The following TCF20 variants were observed in gnomAD, a reference collection of about 807,000 sequenced individuals.
The protein encoded by TCF20 is SPRE-binding protein.
A neutral mutation model predicts 148.6 loss-of-function variants in TCF20; 3 were observed. The ratio of observed to expected loss-of-function variants is 0.02; its 90% CI spans 0.01 to 0.05. The LOEUF is 0.05. Among genes scored for constraint, TCF20 ranks in the 10% least tolerant of loss-of-function variants. The probability of loss-of-function intolerance (pLI) is 1.00; values close to 1 mark genes in which losing one functional copy is unlikely to be tolerated. For missense variants in TCF20, 2,350 were observed against 2,429.3 expected (o/e 0.97, Z 0.69); for synonymous variants, 1,049 against 909.5 (o/e 1.15, Z -2.76).
Position 42,214,135 on chromosome 22 carries a change from G to C in TCF20, c.1171C>G (p.Gln391Glu). The stretch of plus-strand genomic sequence containing the variant: ...CCACACTGGAGATTCTCCCCAGTCT[G>C]CATGAGAGGAGATGGGGTAGAACTA... ...SCSSTPSPLM[Q>E]TGENLQCGQG... Residue 391 changes from glutamine (Q) to glutamate (E), a missense_variant, in exon 2 of 6, where the codon CAG becomes GAG. Physicochemically the swap from Gln to Glu is conservative, Grantham distance 29 (BLOSUM62 2). Coordinates refer to ENST00000677622, the MANE Select transcript of TCF20 (RefSeq NM_001378418.1). 1 of 1,614,202 alleles carries C rather than the reference G, an allele frequency of 6.2e-7. No individual in the cohort carries two copies. The highest frequency in any genetic ancestry group is 8.5e-7 in the Non-Finnish European group (1 of 1,180,038).
At chr22:42,162,039 G>A (rs1013279594) in intron 5 of TCF20, among the ~76,000 whole-genome samples, 1 of 130,546 alleles carries the variant, frequency 7.7e-6, no homozygotes, top group Non-Finnish European at 1.5e-5. Context: ...GGAGTGTAGT[G>A]GTGTGCTCTT....
chr22:42,189,430 T>C (rs929583183), intron 2 of TCF20, among the ~76,000 whole-genome samples: 4 of 152,214 alleles, frequency 2.6e-5, no homozygotes, highest in Admixed American at 1.3e-4. Flanking sequence ...AGAGAATGTT[T>C]TGGACTGAGA....
intron 1 of TCF20, among the ~76,000 whole-genome samples, chr22:42,220,003 A>T (rs2147242915): frequency 6.6e-6 from 1 of 152,312 alleles, no homozygotes; most frequent in South Asian, 2.1e-4. Flanking sequence ...TCTGTGCCTA[A>T]ACATTCCAGA....
Position 42,214,595 on chromosome 22 carries a change from A to G in TCF20, c.711T>C (p.Ser237=), listed in dbSNP as rs1349421946. 1.2e-6 allele frequency: 2 copies of G among 1,613,996 alleles called. No individual in the cohort carries two copies. The highest frequency in any genetic ancestry group is 1.3e-5 in the African/African-American group (1 of 74,914). The part of the protein sequence containing the change: ...RVGQFGQHYQ[S]SASSSSSSSF... ...AGGAGGAGGAGGAGGAGGAAGCAGA[A>G]GACTGATAGTGTTGGCCAAACTGAC... Residue 237 remains serine (S), a synonymous_variant, in exon 2 of 6, where the codon TCT becomes TCC. Transcript: ENST00000677622.
chr22:42,174,435 G>A (rs548580047), intron 3 of TCF20, among the ~76,000 whole-genome samples: 2 of 152,156 alleles, frequency 1.3e-5, no homozygotes, highest in Non-Finnish European at 2.9e-5. Flanking sequence ...AAGTGTGCTC[G>A]GGTGGGATGT....
chr22:42,309,016 T>A (rs1927484442), intron 1 of TCF20, among the ~76,000 whole-genome samples: 1 of 152,018 alleles, frequency 6.6e-6, no homozygotes, highest in African/African-American at 2.4e-5. Flanking sequence ...AACACGCCGG[T>A]GCCTGCCGCC....
At chr22:42,250,126 A>C (rs1296189413) in intron 1 of TCF20, among the ~76,000 whole-genome samples, 1 of 152,150 alleles carries the variant, frequency 6.6e-6, no homozygotes, top group Non-Finnish European at 1.5e-5. Flanking sequence ...CATAGCTAGA[A>C]GACTATGGTC....
chr22:42,228,916 T>C (rs563411934), intron 1 of TCF20, among the ~76,000 whole-genome samples: 2 of 152,286 alleles, frequency 1.3e-5, no homozygotes, highest in East Asian at 1.9e-4. Flanking sequence ...CCACGGCTCA[T>C]GAAGTATAAG....
chr22:42,235,344 C>CA (rs1923792161), intron 1 of TCF20, among the ~76,000 whole-genome samples: 1 of 152,106 alleles, frequency 6.6e-6, no homozygotes, highest in Admixed American at 6.6e-5. Flanking sequence ...CCTCCCTTCT[C>CA]AACTGGGGAC....
chr22:42,181,982 G>A (rs2147101096), intron 2 of TCF20, among the ~76,000 whole-genome samples: 1 of 152,338 alleles, frequency 6.6e-6, no homozygotes, highest in East Asian at 1.9e-4. Flanking sequence ...AGTGGGATCT[G>A]TGGCAGCCAC....
rs74223203 is a variant in TCF20 at position 42,220,147 on chromosome 22, G to A, written c.-36-4806C>T. Among the ~76,000 whole-genome samples, 298 of 152,134 alleles carry A rather than the reference G, an allele frequency of 2.0e-3. 3 individuals carry two copies. In the East Asian group the frequency reaches 0.048, roughly 25 times the overall value. Reference sequence around the variant, plus strand: ...TTTCTCTGTCCTTCTTCCTCCATATGTCCAACAACATCCCACTTCCCAATC... The same window carrying A: ...TTTCTCTGTCCTTCTTCCTCCATATATCCAACAACATCCCACTTCCCAATC... On this transcript the variant is annotated intron_variant, in intron 1 of 5. Coordinates refer to ENST00000677622, the MANE Select transcript of TCF20 (RefSeq NM_001378418.1).
intron 1 of TCF20, among the ~76,000 whole-genome samples, chr22:42,248,472 T>C (rs1569184263): frequency 6.6e-6 from 1 of 152,156 alleles, no homozygotes; most frequent in Non-Finnish European, 1.5e-5. Context: ...AAACGTGCAC[T>C]GTGCCTGGTA....
chr22:42,335,106 C>T (rs112141558), intron 1 of TCF20, among the ~76,000 whole-genome samples: 17 of 152,218 alleles, frequency 1.1e-4, no homozygotes, highest in African/African-American at 1.7e-4. Flanking sequence ...TTCCTGCTCC[C>T]GGGGCCCTGC....
chr22:42,222,431 G>C (rs899221800), intron 1 of TCF20, among the ~76,000 whole-genome samples: 1 of 152,032 alleles, frequency 6.6e-6, no homozygotes, highest in African/African-American at 2.4e-5. Context: ...AATAACACCT[G>C]AAAAGTTCTC....
At chr22:42,268,860 G>T (rs1170839260) in intron 1 of TCF20, among the ~76,000 whole-genome samples, 1 of 152,236 alleles carries the variant, frequency 6.6e-6, no homozygotes, top group Non-Finnish European at 1.5e-5. Flanking sequence ...CTCTGTTGAA[G>T]GCAGAGGCTG....
At position 42,210,429 on chromosome 22, in the gene TCF20, G is replaced by C. The variant is rs926207170; in HGVS notation, c.4877C>G (p.Ala1626Gly). Reference protein sequence around the residue: ...YATQPLDKTDAKNKSFYPYIH... With the variant: ...YATQPLDKTDGKNKSFYPYIH... ...GTAAGGGTAAAAAGACTTGTTCTTG[G>C]CATCAGTTTTATCCAGTGGCTGGGT... The change falls in exon 2 of 6, where the codon GCC becomes GGC. Residue 1626 changes from alanine to glycine, a missense_variant. Transcript: ENST00000677622. The surrounding 1 kb of genome is among the most constrained non-coding windows in gnomAD (Gnocchi z 4.7). 6.2e-7 allele frequency: 1 copy of C among 1,614,236 alleles called. No homozygotes were observed. Among genetic ancestry groups the C allele is most frequent in the Non-Finnish European group, 8.5e-7 (1 of 1,180,054 alleles).
intron 1 of TCF20, among the ~76,000 whole-genome samples, chr22:42,215,906 C>A (rs1249798610): frequency 6.6e-6 from 1 of 151,882 alleles, no homozygotes; most frequent in African/African-American, 2.4e-5. Flanking sequence ...CCCAATACAG[C>A]AAAAACATGT....
chr22:42,194,382 A>AC (rs1297176466), intron 2 of TCF20, among the ~76,000 whole-genome samples: 4 of 152,012 alleles, frequency 2.6e-5, no homozygotes, highest in Non-Finnish European at 5.9e-5. Flanking sequence ...CACTGCTAAA[A>AC]CCCTCGCCCT....
At chr22:42,167,363 G>T (rs934052594) in intron 5 of TCF20, among the ~76,000 whole-genome samples, 5 of 152,212 alleles carry the variant, frequency 3.3e-5, no homozygotes, top group African/African-American at 4.8e-5. Flanking sequence ...GGCACATGGT[G>T]GTGCCGGAAG....
Sources: allele counts gnomAD v4.1 joint callset (sites outside exome capture counted in the v4.1 genomes callset), GRCh38; gene constraint gnomAD v4.1.1; non-coding constraint Gnocchi (gnomAD v3.1); transcripts MANE v1.5; gene names NCBI Gene and HGNC (gene_info 2026-07-23, HGNC 2026-07-21).